Variants in SEPTIN7 observed in about 807,000 individuals in gnomAD.
The protein encoded by SEPTIN7 is septin-7.
In SEPTIN7, 10 loss-of-function variants were observed where a neutral mutation model predicts 63.3. The ratio of observed to expected loss-of-function variants is 0.16; its 90% confidence interval spans 0.10 to 0.27. The LOEUF is 0.27. Among genes scored for constraint, SEPTIN7 ranks in the 10% least tolerant of loss-of-function variants. SEPTIN7 has a pLI of 1.00. For missense variants in SEPTIN7, 310 were observed against 521.0 expected, an observed-to-expected ratio of 0.59 and a Z score of 3.94; for synonymous variants, 131 against 165.3, an observed-to-expected ratio of 0.79 and a Z score of 1.59.
the SEPTIN7 span, among the ~76,000 whole-genome samples, chr7:35,913,900 T>C: frequency 1.1e-4 from 16 of 152,206 alleles, no homozygotes; most frequent in Non-Finnish European, 2.2e-4. Context: ...AGGAACAGAA[T>C]ATTGACCGCC....
the SEPTIN7 span, among the ~76,000 whole-genome samples, chr7:35,913,481 C>G: frequency 6.7e-6 from 1 of 149,750 alleles, no homozygotes; most frequent in Admixed American, 6.7e-5. Context: ...TCTTCCCCTT[C>G]CTTCCCTTCC....
chr7:35,804,164 T>C (rs1788180397), intron 1 of SEPTIN7, among the ~76,000 whole-genome samples: 1 of 152,220 alleles, frequency 6.6e-6, no homozygotes, highest in South Asian at 2.1e-4. Context: ...TCATTTATCC[T>C]GTACTCCATG....
rs147729342 is a variant in SEPTIN7, at chr7:35,817,928, A to T, written c.62-13564A>T. On this transcript the variant is annotated intron_variant, in intron 1 of 13. Transcript: ENST00000350320. ...GGATTCTTTTGGATTTTTTATTTAT[A>T]AGATCATATCGCCTGCAAATACTAC... is the stretch of plus-strand genomic sequence containing the variant. 3.3e-3 allele frequency among the ~76,000 whole-genome samples: 508 copies of T among 151,854 alleles called. 3 individuals carry two copies. The highest frequency in any genetic ancestry group is 0.012 in the African/African-American group (492 of 41,446).
intron 2 of SEPTIN7, chr7:35,831,800 AG>A: frequency 4.0e-6 from 1 of 249,948 alleles, no homozygotes. Flanking sequence ...CTACATGACT[AG>A]TAAACATTGT....
chr7:35,801,411 C>G, intron 1 of SEPTIN7, 141 bp downstream of exon 1: 1 of 1,033,254 alleles, frequency 9.7e-7, no homozygotes, highest in South Asian at 1.9e-5. Context: ...GGGGCCACTG[C>G]GGGCCCGGGG....
intron 11 of SEPTIN7, among the ~76,000 whole-genome samples, chr7:35,891,457 C>T (rs1787640399): frequency 6.6e-6 from 1 of 152,136 alleles, no homozygotes; most frequent in Admixed American, 6.6e-5. Flanking sequence ...TAAACCTATA[C>T]AGCATGTTAC....
At position 35,804,275 on chromosome 7, in the gene SEPTIN7, A is replaced by G. The variant is rs367866963; in HGVS notation, c.61+3005A>G. Among the ~76,000 whole-genome samples, 33 of 152,314 alleles carry G rather than the reference A, an allele frequency of 2.2e-4. No individual in the cohort carries two copies. The South Asian group carries it at 5.6e-3, about 26-fold the overall frequency. ...GTGGCTTCCAAAAGAAAAGGGTAGC[A>G]TTCGGTGACTCTGCTTTAGGCCTTG... On this transcript the variant is annotated intron_variant, in intron 1 of 13. Coordinates refer to ENST00000350320, the MANE Select transcript of SEPTIN7 (RefSeq NM_001788.6).
At chr7:35,843,827 G>A (rs1261364553) in intron 3 of SEPTIN7, among the ~76,000 whole-genome samples, 1 of 152,146 alleles carries the variant, frequency 6.6e-6, no homozygotes, top group African/African-American at 2.4e-5. Flanking sequence ...AGACTTTGGG[G>A]CTTCTGTTTC....
Position 35,905,048 on chromosome 7 carries a change from T to A in SEPTIN7, c.*755T>A, listed in dbSNP as rs1334478971. Reference sequence around the variant, plus strand: ...GTAGGAACCAACAAGGAAACTTTCCTTTAACTCCCTTTTTACACTTTATGG... The same window carrying A: ...GTAGGAACCAACAAGGAAACTTTCCATTAACTCCCTTTTTACACTTTATGG... On this transcript the variant is annotated 3_prime_UTR_variant, in exon 14 of 14. Coordinates refer to ENST00000350320, the MANE Select transcript of SEPTIN7 (RefSeq NM_001788.6). The A allele has an allele frequency of 6.6e-6, 1 of 152,646 alleles. No individual in the cohort carries two copies. The highest frequency in any genetic ancestry group is 1.5e-5 in the Non-Finnish European group (1 of 68,024). 9.5% of individuals were successfully genotyped at this position (152,646 alleles called of 1,614,324 possible).
intron 1 of SEPTIN7, among the ~76,000 whole-genome samples, chr7:35,830,903 A>G (rs754308991): frequency 6.6e-6 from 1 of 152,248 alleles, no homozygotes; most frequent in South Asian, 2.1e-4. Context: ...CTAAATGTCT[A>G]CATTTCTTTA....
chr7:35,904,172 T>C, intron 13 of SEPTIN7, 82 bp from the exon 14 acceptor site: 1 of 989,706 alleles, frequency 1.0e-6, no homozygotes, highest in Non-Finnish European at 1.4e-6. Context: ...ATTGTTGTAA[T>C]TGGGTTAGCT....
At chr7:35,883,538 G>GCC (rs994782800) in intron 8 of SEPTIN7, among the ~76,000 whole-genome samples, 1 of 150,734 alleles carries the variant, frequency 6.6e-6, no homozygotes, top group Non-Finnish European at 1.5e-5. Context: ...CTAGTCATTA[G>GCC]CCCCCCGCTT....
intron 10 of SEPTIN7, among the ~76,000 whole-genome samples, chr7:35,888,123 G>T (rs1274172154): frequency 6.6e-6 from 1 of 152,154 alleles, no homozygotes; most frequent in Non-Finnish European, 1.5e-5. Flanking sequence ...AATGGGGAAA[G>T]AAAACAAAAG....
chr7:35,895,011 A>G (rs1019269180), intron 11 of SEPTIN7, among the ~76,000 whole-genome samples: 1 of 152,090 alleles, frequency 6.6e-6, no homozygotes, highest in Non-Finnish European at 1.5e-5. Flanking sequence ...TATTCCGGTT[A>G]TGTTGTAATC....
At chr7:35,810,980 A>G (rs1788668238) in intron 1 of SEPTIN7, among the ~76,000 whole-genome samples, 1 of 151,716 alleles carries the variant, frequency 6.6e-6, no homozygotes, top group Non-Finnish European at 1.5e-5. Flanking sequence ...TGTTGGCCAG[A>G]CTGGTATCGA....
the SEPTIN7 span, among the ~76,000 whole-genome samples, chr7:35,912,520 C>T: frequency 2.6e-5 from 4 of 152,202 alleles, no homozygotes; most frequent in Non-Finnish European, 5.9e-5. Context: ...GCTCTGAAGG[C>T]TGTGAGACCC....
At chr7:35,875,233 A>G (rs1166880966) in intron 6 of SEPTIN7, among the ~76,000 whole-genome samples, 2 of 152,174 alleles carry the variant, frequency 1.3e-5, no homozygotes, top group Admixed American at 1.3e-4. Flanking sequence ...TATTTGTCAC[A>G]AGGGGTAAGA....
intron 11 of SEPTIN7, among the ~76,000 whole-genome samples, chr7:35,895,020 T>C (rs1787877231): frequency 6.6e-6 from 1 of 152,182 alleles, no homozygotes; most frequent in African/African-American, 2.4e-5. Context: ...TATGTTGTAA[T>C]CATTTTCTTT....
At position 35,873,631 on chromosome 7, in the gene SEPTIN7, C is replaced by T. The variant is rs375407885; in HGVS notation, c.378-10C>T. 31 of 1,602,520 alleles carry T rather than the reference C, an allele frequency of 1.9e-5. No individual in the cohort carries two copies. In the East Asian group the frequency reaches 2.9e-4, roughly 15 times the overall value. On this transcript the variant is annotated splice_polypyrimidine_tract_variant and intron_variant, in intron 5 of 13. Transcript: ENST00000350320. ...AATTGCAGCTTGTTTTGTTTATTTG[C>T]GTTCTATAGCTGGCAGCCTGTTATC...
Sources: allele counts gnomAD v4.1 joint callset (sites outside exome capture counted in the v4.1 genomes callset), GRCh38; gene constraint gnomAD v4.1.1; transcripts MANE v1.5; gene names NCBI Gene and HGNC (gene_info 2026-07-23, HGNC 2026-07-21).